Variants in PDE1C observed in about 807,000 individuals in gnomAD.
The protein encoded by PDE1C is phosphodiesterase 1C, also known as dual specificity calcium/calmodulin-dependent 3',5'-cyclic nucleotide phosphodiesterase 1C.
In PDE1C, 62 loss-of-function variants were observed where a neutral mutation model predicts 93.1. The ratio of observed to expected loss-of-function variants is 0.67; its 90% CI spans 0.54 to 0.82. The LOEUF (loss-of-function observed/expected upper bound fraction) is 0.82, where lower values mean the gene tolerates loss of function less well. Among genes scored for constraint, PDE1C ranks in the 40% least tolerant of loss-of-function variants. The probability of loss-of-function intolerance (pLI) is 0.00; values close to 1 mark genes in which losing one functional copy is unlikely to be tolerated. For missense variants in PDE1C, 742 were observed against 884.6 expected, an observed-to-expected ratio of 0.84 and a Z score of 2.04; for synonymous variants, 325 against 310.1, an observed-to-expected ratio of 1.05 and a Z score of -0.50.
chr7:32,179,269 T>TC (rs1803221306), intron 2 of PDE1C, among the ~76,000 whole-genome samples: 1 of 149,418 alleles, frequency 6.7e-6, no homozygotes, highest in Non-Finnish European at 1.5e-5. Context: ...CTTAGTCTTT[T>TC]TTTTTTTTTT....
chr7:31,901,669 A>G (rs989924714), intron 2 of PDE1C, among the ~76,000 whole-genome samples: 3 of 151,338 alleles, frequency 2.0e-5, no homozygotes, highest in Non-Finnish European at 4.4e-5. Flanking sequence ...CTAAACAAAA[A>G]GGAATTCAAA....
At chr7:32,160,418 CGGGTATTTCTCACATTA>C (rs1562534736) in intron 3 of PDE1C, among the ~76,000 whole-genome samples, 1 of 152,182 alleles carries the variant, frequency 6.6e-6, no homozygotes, top group Non-Finnish European at 1.5e-5. Context: ...CCCTGTTACA[CGGGTATTTCTCACATTA>C]GGGCTGACAA....
intron 1 of PDE1C, among the ~76,000 whole-genome samples, chr7:32,359,278 C>T (rs902464203): frequency 1.3e-5 from 2 of 152,162 alleles, no homozygotes; most frequent in Non-Finnish European, 2.9e-5. Context: ...CAGAATTGAG[C>T]TCAGTTCAAT....
At chr7:32,331,712 G>A (rs193056235) in intron 1 of PDE1C, among the ~76,000 whole-genome samples, 3 of 152,278 alleles carry the variant, frequency 2.0e-5, no homozygotes, top group African/African-American at 7.2e-5. Flanking sequence ...GAATCAACAG[G>A]ACTTAGTCGT....
chr7:32,326,647 G>A (rs866473907), intron 1 of PDE1C, among the ~76,000 whole-genome samples: 1 of 152,198 alleles, frequency 6.6e-6, no homozygotes, highest in African/African-American at 2.4e-5. Context: ...AGTTTATACA[G>A]AGGACAAAAG....
At chr7:32,070,250 G>A in intron 1 of PDE1C, 43 bp downstream of exon 1, 1 of 1,612,820 alleles carries the variant, frequency 6.2e-7, no homozygotes, top group South Asian at 1.1e-5. Flanking sequence ...AAATAAGGAT[G>A]GGAGCGGGAA....
chr7:32,181,787 A>G (rs1311748015), intron 2 of PDE1C, among the ~76,000 whole-genome samples: 1 of 152,226 alleles, frequency 6.6e-6, no homozygotes, highest in Non-Finnish European at 1.5e-5. Context: ...GAAGGCAAGA[A>G]ATAACTAAGA....
chr7:32,026,525 C>CA (rs759873658), intron 2 of PDE1C, among the ~76,000 whole-genome samples: 105 of 152,238 alleles, frequency 6.9e-4, no homozygotes, highest in South Asian at 1.7e-3. Context: ...CTGGCAACAC[C>CA]AAATGCTGTA....
At chr7:32,137,142 A>G (rs182161026) in intron 3 of PDE1C, among the ~76,000 whole-genome samples, 4 of 152,306 alleles carry the variant, frequency 2.6e-5, no homozygotes, top group South Asian at 2.1e-4. Context: ...GTCTGCTTCA[A>G]TAAAGACCCT....
chr7:32,056,398 C>T (rs1279949776), intron 1 of PDE1C, among the ~76,000 whole-genome samples: 5 of 151,706 alleles, frequency 3.3e-5, no homozygotes, highest in Non-Finnish European at 5.9e-5. Context: ...CACACACACA[C>T]ACACACAGCT....
chr7:31,625,454 G>C, the PDE1C span, among the ~76,000 whole-genome samples: 1 of 152,066 alleles, frequency 6.6e-6, no homozygotes, highest in Admixed American at 6.5e-5. Context: ...AAAAAATGAT[G>C]AGTTCATGTC....
intron 2 of PDE1C, among the ~76,000 whole-genome samples, chr7:31,992,205 G>A (rs546086977): frequency 1.3e-5 from 2 of 152,204 alleles, no homozygotes; most frequent in Non-Finnish European, 2.9e-5. Context: ...GCAAGCATAG[G>A]AGTGAAACAC....
In PDE1C at chr7:32,427,198, C is replaced by G. The variant is rs59980299; in HGVS notation, c.310+624G>C. Among the ~76,000 whole-genome samples the G allele has an allele frequency of 7.9e-3, 1,208 of 152,256 alleles. 10 individuals are homozygous for G. The highest frequency in any genetic ancestry group is 0.025 in the African/African-American group (1,045 of 41,538). On this transcript the variant is annotated intron_variant, in intron 1 of 1. Coordinates refer to the PDE1C transcript ENST00000672256. ...GCATAGTATTTTACAGTTTTCACAGCCTTTCTACTTACATTGTGTGGTCAG... is the reference window on the plus strand; with the variant it reads ...GCATAGTATTTTACAGTTTTCACAGGCTTTCTACTTACATTGTGTGGTCAG...
intron 1 of PDE1C, among the ~76,000 whole-genome samples, chr7:32,285,415 G>C (rs775379722): frequency 1.3e-5 from 2 of 152,018 alleles, no homozygotes; most frequent in Non-Finnish European, 2.9e-5. Flanking sequence ...ATTTATAGCA[G>C]CATTATTCAT....
At chr7:31,882,436 C>T (rs951575597) in intron 2 of PDE1C, among the ~76,000 whole-genome samples, 5 of 152,136 alleles carry the variant, frequency 3.3e-5, no homozygotes, top group Non-Finnish European at 2.9e-5. Flanking sequence ...GCTCTGACTG[C>T]TGCTCCAAAT....
At chr7:32,097,913 G>A (rs1210771750) in intron 3 of PDE1C, among the ~76,000 whole-genome samples, 1 of 152,146 alleles carries the variant, frequency 6.6e-6, no homozygotes, top group Non-Finnish European at 1.5e-5. Context: ...GTGCCCATGT[G>A]CCACACTGTG....
the PDE1C span, among the ~76,000 whole-genome samples, chr7:31,725,807 T>C: frequency 6.6e-6 from 1 of 152,198 alleles, no homozygotes; most frequent in Non-Finnish European, 1.5e-5. Flanking sequence ...GGATGGGAGA[T>C]AATCAAGTTT....
intron 2 of PDE1C, among the ~76,000 whole-genome samples, chr7:31,908,623 A>G (rs1440903067): frequency 1.3e-5 from 2 of 152,196 alleles, no homozygotes; most frequent in Non-Finnish European, 2.9e-5. Context: ...AAACACAGAT[A>G]TGACGTAGTT....
chr7:32,005,875 CT>C (rs1487857987), intron 2 of PDE1C, among the ~76,000 whole-genome samples: 3 of 152,000 alleles, frequency 2.0e-5, no homozygotes, highest in East Asian at 1.9e-4. Flanking sequence ...CATTTGCTAC[CT>C]TTTTTTTCTG....
Sources: allele counts gnomAD v4.1 joint callset (sites outside exome capture counted in the v4.1 genomes callset), GRCh38; gene constraint gnomAD v4.1.1; transcripts MANE v1.5; gene names NCBI Gene and HGNC (gene_info 2026-07-23, HGNC 2026-07-21).